The following SDK1 variants were observed in gnomAD, a reference collection of about 807,000 sequenced individuals.
SDK1 encodes sidekick cell adhesion molecule 1.
SDK1 carries 157 observed loss-of-function variants against 245.5 expected under a neutral mutation model. That is an observed-to-expected ratio of 0.64 (90% CI 0.56 to 0.73). The LOEUF (loss-of-function observed/expected upper bound fraction) is 0.73. Ranked by LOEUF, SDK1 falls within the 30% of genes least tolerant of loss-of-function variation. The pLI, the probability that SDK1 is intolerant of heterozygous loss-of-function variation, is 0.00. For missense variants in SDK1, 3,583 were observed against 3,002.3 expected (o/e 1.19, Z -4.52); for synonymous variants, 1,647 against 1,278.5 (o/e 1.29, Z -6.15).
intron 13 of SDK1, among the ~76,000 whole-genome samples, chr7:3,975,506 G>C (rs960041086): frequency 1.3e-5 from 2 of 152,220 alleles, no homozygotes; most frequent in South Asian, 2.1e-4. Flanking sequence ...TCCGAGTATA[G>C]GAGCCGTGAC....
intron 40 of SDK1, among the ~76,000 whole-genome samples, chr7:4,224,336 G>A (rs1785301293): frequency 6.6e-6 from 1 of 152,250 alleles, no homozygotes; most frequent in Admixed American, 6.5e-5. Context: ...TCCAATCATG[G>A]CAGAAAGCCA....
chr7:4,163,325 G>A (rs1290484078), intron 32 of SDK1, among the ~76,000 whole-genome samples: 1 of 152,220 alleles, frequency 6.6e-6, no homozygotes, highest in Non-Finnish European at 1.5e-5. Context: ...GGTGCCCGAT[G>A]CAGCAGGTGG....
chr7:4,085,302 A>G (rs1443359579), intron 22 of SDK1, among the ~76,000 whole-genome samples: 2 of 152,180 alleles, frequency 1.3e-5, no homozygotes, highest in Non-Finnish European at 2.9e-5. Context: ...AAATTTAAGT[A>G]TTTGTCCTTA....
intron 1 of SDK1, among the ~76,000 whole-genome samples, chr7:3,469,386 G>A (rs1400529371): frequency 6.6e-6 from 1 of 152,114 alleles, no homozygotes; most frequent in East Asian, 1.9e-4. Flanking sequence ...AGCCATGATT[G>A]TGCCACTGTA....
chr7:4,094,619 A>G (rs1782025774), intron 22 of SDK1, among the ~76,000 whole-genome samples: 1 of 152,256 alleles, frequency 6.6e-6, no homozygotes, highest in South Asian at 2.1e-4. Context: ...CAGAGGGAGA[A>G]GCAAAGGACC....
At chr7:3,973,248 C>T (rs892560451) in intron 12 of SDK1, among the ~76,000 whole-genome samples, 3 of 152,144 alleles carry the variant, frequency 2.0e-5, no homozygotes, top group Non-Finnish European at 4.4e-5. Flanking sequence ...TGGAATCAGC[C>T]CTGTTCTATC....
chr7:4,198,397 C>A (rs1302027857), intron 35 of SDK1, among the ~76,000 whole-genome samples: 1 of 152,228 alleles, frequency 6.6e-6, no homozygotes, highest in Non-Finnish European at 1.5e-5. Context: ...TGCCCCAGGG[C>A]TCTTTGCACT....
At chr7:4,144,940 C>T (rs1393751659) in intron 28 of SDK1, among the ~76,000 whole-genome samples, 3 of 152,194 alleles carry the variant, frequency 2.0e-5, no homozygotes, top group Admixed American at 2.0e-4. Context: ...TGTCTGTGAG[C>T]CAGGCAGGGT....
intron 1 of SDK1, among the ~76,000 whole-genome samples, chr7:3,506,464 T>C (rs569803604): frequency 2.6e-5 from 4 of 152,324 alleles, no homozygotes; most frequent in East Asian, 1.9e-4. Flanking sequence ...CTTTTAAATA[T>C]ATGGTTTCAT....
intron 4 of SDK1, among the ~76,000 whole-genome samples, chr7:3,806,605 C>A (rs1222495158): frequency 1.3e-5 from 2 of 152,218 alleles, no homozygotes; most frequent in African/African-American, 4.8e-5. Flanking sequence ...CATTTTGCAC[C>A]AGTTACATAC....
intron 1 of SDK1, among the ~76,000 whole-genome samples, chr7:3,485,272 C>T (rs1338141309): frequency 6.6e-6 from 1 of 151,942 alleles, no homozygotes; most frequent in Non-Finnish European, 1.5e-5. Flanking sequence ...GCATTTTTTC[C>T]CTAGACGTGG....
chr7:3,690,163 C>T (rs1008755862), intron 4 of SDK1, among the ~76,000 whole-genome samples: 1 of 152,062 alleles, frequency 6.6e-6, no homozygotes, highest in Non-Finnish European at 1.5e-5. Flanking sequence ...GACTAATAGC[C>T]CAGTGACTCT....
intron 1 of SDK1, among the ~76,000 whole-genome samples, chr7:3,516,168 C>T (rs1782743500): frequency 1.4e-5 from 2 of 147,576 alleles, no homozygotes; most frequent in Admixed American, 1.4e-4. Context: ...TGTATATAAA[C>T]ATATATACAT....
intron 33 of SDK1, 152 bp from the exon 34 acceptor site, chr7:4,175,623 G>C: frequency 2.8e-6 from 2 of 709,522 alleles, no homozygotes; most frequent in Non-Finnish European, 5.1e-6. Flanking sequence ...AAGCTTGGGC[G>C]GTAGCGGGGT....
At chr7:4,077,527 C>G (rs1780771443) in intron 21 of SDK1, among the ~76,000 whole-genome samples, 7 of 152,118 alleles carry the variant, frequency 4.6e-5, no homozygotes, top group Admixed American at 4.6e-4. Flanking sequence ...TGTATTAGTC[C>G]ATTTTCATGC....
In SDK1 at chr7:4,263,249, C is replaced by T. The variant is rs552046691; in HGVS notation, c.6382-1875C>T. 2.1e-5 allele frequency among the ~76,000 whole-genome samples: 3 copies of T among 140,778 alleles called. No individual in the cohort carries two copies. In the East Asian group the frequency reaches 6.5e-4, roughly 31 times the overall value. 92.4% of individuals were successfully genotyped at this position (140,778 alleles called of 152,430 possible). On this transcript the variant is annotated intron_variant, in intron 44 of 44. Coordinates refer to ENST00000404826, the MANE Select transcript of SDK1 (RefSeq NM_152744.4). ...ATCCTTTTGTTTTGGTCTGTAGCAG[C>T]CCACATCTTAGTCTCAGGCAAGCCA...
intron 35 of SDK1, among the ~76,000 whole-genome samples, chr7:4,188,163 G>A (rs968236328): frequency 1.3e-5 from 2 of 152,194 alleles, no homozygotes; most frequent in African/African-American, 4.8e-5. Flanking sequence ...TTTGGGTGGG[G>A]GCACAGCCCA....
chr7:3,955,962 T>C (rs911943815), intron 7 of SDK1, among the ~76,000 whole-genome samples: 11 of 152,202 alleles, frequency 7.2e-5, no homozygotes, highest in Admixed American at 2.0e-4. Context: ...CCATGGGCTC[T>C]GGGCCATGTG....
At chr7:4,068,032 C>T in intron 20 of SDK1, 96 bp downstream of exon 20, 1 of 837,916 alleles carries the variant, frequency 1.2e-6, no homozygotes, top group East Asian at 2.7e-5. Flanking sequence ...CAGCATGGAC[C>T]CGTGCCCATG....
Sources: gnomAD v4.1 joint callset for allele counts (sites outside exome capture counted in the v4.1 genomes callset) on GRCh38, gnomAD v4.1.1 for gene constraint, MANE v1.5 for transcripts, NCBI Gene and HGNC (gene_info 2026-07-23, HGNC 2026-07-21) for gene names.